SYNRG: variants seen among roughly 807,000 people sequenced by gnomAD.
SYNRG encodes AP1 gamma subunit binding protein 1.
In SYNRG, 37 loss-of-function variants were observed where a neutral mutation model predicts 130.9. The ratio of observed to expected loss-of-function variants is 0.28; its 90% confidence interval spans 0.22 to 0.37. SYNRG has a LOEUF of 0.37. Among genes scored for constraint, SYNRG ranks in the 10% least tolerant of loss-of-function variants. The pLI is 1.00. For missense variants in SYNRG, 1,338 were observed against 1,588.9 expected (o/e 0.84, Z 2.68); for synonymous variants, 539 against 568.1 (o/e 0.95, Z 0.73).
At chr17:37,521,907 A>C (rs1051180119) in intron 19 of SYNRG, among the ~76,000 whole-genome samples, 1 of 152,012 alleles carries the variant, frequency 6.6e-6, no homozygotes, top group African/African-American at 2.4e-5. Flanking sequence ...AGGTTTGAGG[A>C]TGGAAGCTGA....
intron 6 of SYNRG, among the ~76,000 whole-genome samples, chr17:37,581,599 T>G (rs1243504859): frequency 6.6e-6 from 1 of 151,370 alleles, no homozygotes; most frequent in Non-Finnish European, 1.5e-5. Flanking sequence ...TTGTTTTTGT[T>G]TTTTGGAGAT....
chr17:37,594,967 G>T (rs1244713565), intron 3 of SYNRG, among the ~76,000 whole-genome samples: 1 of 152,196 alleles, frequency 6.6e-6, no homozygotes, highest in Admixed American at 6.5e-5. Context: ...TGTCCTGGCT[G>T]AGGGTCTTAG....
In SYNRG at chr17:37,553,275, A is replaced by T. The variant is rs1568362411; in HGVS notation, c.2448T>A (p.Pro816=). Residue 816 remains proline (P), a synonymous_variant, in exon 14 of 22, where the codon CCT becomes CCA. Transcript: ENST00000612223. ...TGCCAACACTGCTGCCACCAATGGAAGGGAGATCTAAGGACTTCACTGATG... is the reference window on the plus strand; with the variant it reads ...TGCCAACACTGCTGCCACCAATGGATGGGAGATCTAAGGACTTCACTGATG... The part of the protein sequence containing the change: ...DSASVKSLDL[P]SIGGSSVGKE... 2 of 1,613,918 alleles carry T rather than the reference A, an allele frequency of 1.2e-6. No individual in the cohort carries two copies. The highest frequency in any genetic ancestry group is 2.2e-5 in the South Asian group (2 of 91,052).
intron 8 of SYNRG, among the ~76,000 whole-genome samples, chr17:37,572,614 T>C (rs1205530443): frequency 6.6e-6 from 1 of 152,080 alleles, no homozygotes; most frequent in Non-Finnish European, 1.5e-5. Flanking sequence ...TGTAGAGTAA[T>C]GATGGTGGGA....
intron 8 of SYNRG, 118 bp downstream of exon 8, chr17:37,576,223 A>G: frequency 1.1e-6 from 1 of 943,948 alleles, no homozygotes; most frequent in Non-Finnish European, 1.6e-6. Flanking sequence ...AGAAAAAAAG[A>G]AAAGTGACAA....
At position 37,553,585 on chromosome 17, in the gene SYNRG, T is replaced by C. The variant is rs759722631; in HGVS notation, c.2138A>G (p.Asp713Gly). The C allele has an allele frequency of 6.2e-7, 1 of 1,614,156 alleles. No individual in the cohort carries two copies. Among genetic ancestry groups the C allele is most frequent in the Non-Finnish European group, 8.5e-7 (1 of 1,180,032 alleles). ...SSEQKPDDKY[D>G]ALKEEASPVP... The stretch of plus-strand genomic sequence containing the variant: ...AGGACTGGCTTCCTCTTTAAGGGCA[T>C]CATATTTGTCATCCGGCTTTTGCTC... Residue 713 changes from aspartate (D) to glycine (G), a missense_variant, in exon 14 of 22, where the codon GAT becomes GGT. Transcript: ENST00000612223.
intron 20 of SYNRG, 127 bp downstream of exon 20, chr17:37,520,411 A>G (rs2054854666): frequency 9.0e-7 from 1 of 1,107,794 alleles, no homozygotes; most frequent in African/African-American, 1.6e-5. Flanking sequence ...TCCTACCATC[A>G]GCTTTTAGGA....
chr17:37,545,005 A>G (rs1488801891), intron 14 of SYNRG, among the ~76,000 whole-genome samples: 2 of 151,876 alleles, frequency 1.3e-5, no homozygotes, highest in East Asian at 3.9e-4. Flanking sequence ...GGATCACCAG[A>G]GTTTAGGAGT....
At position 37,529,925 on chromosome 17, in the gene SYNRG, G is replaced by GA. The variant is rs2056441620; in HGVS notation, c.3666+6053dup. 6.7e-6 allele frequency: 9 copies of GA among 1,344,176 alleles called. No homozygotes were observed. The East Asian group carries it at 2.3e-4, about 34-fold the overall frequency. The allele number at this position is 1,344,176 out of a possible 1,614,324, so 83.3% of individuals were successfully genotyped here. On this transcript the variant is annotated intron_variant, in intron 19 of 21. Coordinates refer to ENST00000612223, the MANE Select transcript of SYNRG (RefSeq NM_007247.6). ...AGTTTTCAAGTGTTAACTGCAGTAA[G>GA]AACCGATTGCCACCCAAACAAAGAA...
At chr17:37,556,031 C>G (rs908129389) in intron 13 of SYNRG, among the ~76,000 whole-genome samples, 6 of 152,170 alleles carry the variant, frequency 3.9e-5, no homozygotes, top group Non-Finnish European at 7.3e-5. Flanking sequence ...TTAATTTCCT[C>G]ACCCATTTTT....
At chr17:37,598,979 G>T (rs922802416) in intron 2 of SYNRG, among the ~76,000 whole-genome samples, 1 of 152,150 alleles carries the variant, frequency 6.6e-6, no homozygotes, top group African/African-American at 2.4e-5. Flanking sequence ...ACGATGAAAA[G>T]AATACAACTG....
intron 1 of SYNRG, among the ~76,000 whole-genome samples, chr17:37,603,393 T>C (rs1367731570): frequency 6.6e-6 from 1 of 152,202 alleles, no homozygotes; most frequent in Admixed American, 6.5e-5. Flanking sequence ...AAAATTATAA[T>C]GGTGATTCTT....
chr17:37,567,828 T>C (rs115233515), intron 11 of SYNRG: 1 of 152,156 alleles, frequency 6.6e-6, no homozygotes, highest in Non-Finnish European at 1.5e-5. Flanking sequence ...AATAACAAAT[T>C]CGAAAAATAA....
rs763865940 is a variant in SYNRG at position 37,576,365 on chromosome 17, T to G, written c.877A>C (p.Ile293Leu). 1.2e-6 allele frequency: 2 copies of G among 1,613,874 alleles called. No individual in the cohort carries two copies. The highest frequency in any genetic ancestry group is 3.3e-5 in the Admixed American group (2 of 60,014). ...DPAQPRMPPW[I>L]YNESLVPDAY... The stretch of plus-strand genomic sequence containing the variant: ...CCTGGAACCAAACTCTCATTGTAAA[T>G]CCAAGGAGGCATTCTGGGCTGAGCA... The change falls in exon 8 of 22, where the codon ATT becomes CTT. Residue 293 changes from isoleucine (I) to leucine (L), a missense_variant. Around this residue, in one of 3 missense-constraint regions of SYNRG, gnomAD observed 1,146 missense variants for 1,342.3 expected, o/e 0.85. Coordinates refer to ENST00000612223, the MANE Select transcript of SYNRG (RefSeq NM_007247.6).
intron 13 of SYNRG, among the ~76,000 whole-genome samples, chr17:37,560,958 C>T (rs2059482785): frequency 6.6e-6 from 1 of 152,200 alleles, no homozygotes; most frequent in South Asian, 2.1e-4. Flanking sequence ...AGCCACTGCA[C>T]CCAGCCTAAA....
rs771461675 is a variant in SYNRG, at chr17:37,553,944, T to C, written c.1779A>G (p.Pro593=). Residue 593 remains proline (P), a synonymous_variant, in exon 14 of 22, where the codon CCA becomes CCG. Transcript: ENST00000612223. ...EPPTKDKTFP[P]SFPSGTIQQK... ...GTTGTATAGTTCCTGAGGGGAAGGA[T>C]GGTGGAAAAGTTTTGTCTTTTGTTG... 4 of 1,610,474 alleles carry C rather than the reference T, an allele frequency of 2.5e-6. No individual in the cohort carries two copies. The South Asian group carries it at 4.4e-5, about 18-fold the overall frequency.
At chr17:37,570,551 T>C in intron 10 of SYNRG, 86 bp downstream of exon 10, 1 of 1,480,528 alleles carries the variant, frequency 6.8e-7, no homozygotes, top group Admixed American at 2.4e-5. Context: ...CATAATCCAG[T>C]AACCTACTCT....
rs2054820002 is a variant in SYNRG, at chr17:37,520,197, T to C, written c.3795A>G (p.Ala1265=). The change falls in exon 21 of 22, where the codon GCA becomes GCG. Residue 1265 remains alanine (A), a synonymous_variant. Transcript: ENST00000612223. ...DSRSRKEEKP[A]EEHPKKAFNS... Reference sequence around the variant, plus strand: ...TTCATACTTTTTTAGGATGTTCTTCTGCAGGCTTCTCTTCTTTCTGAAATA... The same window carrying C: ...TTCATACTTTTTTAGGATGTTCTTCCGCAGGCTTCTCTTCTTTCTGAAATA... 6.2e-7 allele frequency: 1 copy of C among 1,614,104 alleles called. No individual in the cohort carries two copies. The highest frequency in any genetic ancestry group is 8.5e-7 in the Non-Finnish European group (1 of 1,180,038).
chr17:37,601,389 A>G (rs1039235444), intron 1 of SYNRG, among the ~76,000 whole-genome samples: 1 of 151,996 alleles, frequency 6.6e-6, no homozygotes, highest in Non-Finnish European at 1.5e-5. Context: ...AAAATGTTTC[A>G]TTTTATTTTG....
Sources: allele counts gnomAD v4.1 joint callset (sites outside exome capture counted in the v4.1 genomes callset), GRCh38; gene constraint gnomAD v4.1.1; regional missense constraint gnomAD v4.1.1; transcripts MANE v1.5; gene names NCBI Gene and HGNC (gene_info 2026-07-23, HGNC 2026-07-21).